Variants in PSME4 observed in about 807,000 individuals in gnomAD.
PSME4 encodes proteasome activator subunit 4.
A neutral mutation model predicts 253.9 loss-of-function variants in PSME4; 89 were observed. That is an observed-to-expected ratio of 0.35 (90% confidence interval 0.30 to 0.42). The LOEUF is 0.42. Ranked by LOEUF, PSME4 falls within the 10% of genes least tolerant of loss-of-function variation. The probability of loss-of-function intolerance (pLI) is 1.00; values close to 1 mark genes in which losing one functional copy is unlikely to be tolerated. For missense variants in PSME4, 2,014 were observed against 2,195.2 expected (o/e 0.92, Z 1.65); for synonymous variants, 851 against 759.2 (o/e 1.12, Z -1.99).
rs778104835 is a variant in PSME4, at chr2:53,948,515, C to T, written c.406G>A (p.Ala136Thr). Residue 136 changes from alanine (A) to threonine (T), a missense_variant, in exon 3 of 47, where the codon GCT becomes ACT. Coordinates refer to ENST00000404125, the MANE Select transcript of PSME4 (RefSeq NM_014614.3). The stretch of plus-strand genomic sequence containing the variant: ...GGTCTCCAGGGTAACTCCAAATCAG[C>T]TCTTGAAAGAAGTTCCTTTTTCCTA... The part of the protein sequence containing the change: ...LLKKKELLSR[A>T]DLELPWRPLY... 6.2e-7 allele frequency: 1 copy of T among 1,612,190 alleles called. No individual in the cohort carries two copies. The highest frequency in any genetic ancestry group is 8.5e-7 in the Non-Finnish European group (1 of 1,178,462).
At chr2:53,919,353 A>G (rs1483291758) in intron 19 of PSME4, 107 bp from the exon 20 acceptor site, 5 of 1,359,036 alleles carry the variant, frequency 3.7e-6, no homozygotes, top group South Asian at 3.5e-5. Flanking sequence ...TGATTAAGGT[A>G]AAGAAATAGC....
intron 27 of PSME4, 117 bp downstream of exon 27, chr2:53,903,908 A>G (rs1222459916): frequency 1.2e-6 from 1 of 857,836 alleles, no homozygotes; most frequent in Non-Finnish European, 1.8e-6. Flanking sequence ...AAATACAGCA[A>G]AATCTTAAAT....
intron 14 of PSME4, 122 bp from the exon 15 acceptor site, chr2:53,923,541 A>T (rs1668420120): frequency 1.6e-6 from 2 of 1,250,644 alleles, no homozygotes; most frequent in African/African-American, 3.1e-5. Flanking sequence ...GGCAATTTTT[A>T]ACCATCTGAT....
intron 13 of PSME4, 44 bp downstream of exon 13, chr2:53,925,915 T>C (rs1668536897): frequency 1.9e-6 from 3 of 1,554,196 alleles, no homozygotes; most frequent in South Asian, 1.1e-5. Flanking sequence ...GAAGAGTCAT[T>C]TTCTAGAATT....
At position 53,908,357 on chromosome 2, in the gene PSME4, T is replaced by C; in HGVS notation, c.2747A>G (p.Lys916Arg). The change falls in exon 24 of 47, where the codon AAA (lysine) becomes AGA (arginine). Residue 916 changes from lysine (K) to arginine (R), a missense_variant. By Grantham distance (26) the Lys-to-Arg change is conservative. Around this residue, in one of 4 missense-constraint regions of PSME4, gnomAD observed 989 missense variants for 1,021.1 expected, o/e 0.97. Coordinates refer to ENST00000404125, the MANE Select transcript of PSME4 (RefSeq NM_014614.3). ...TGATTTCTTTACTAAGTTGAAGCTT[T>C]TCCATCGGGAGTCAAATTCATGCTT... is the stretch of plus-strand genomic sequence containing the variant. ...SHKHEFDSRW[K>R]SFNLVKKSME... 1 of 1,613,020 alleles carries C rather than the reference T, an allele frequency of 6.2e-7. No homozygotes were observed. Among genetic ancestry groups the C allele is most frequent in the Non-Finnish European group, 8.5e-7 (1 of 1,179,448 alleles).
intron 1 of PSME4, among the ~76,000 whole-genome samples, chr2:53,957,091 C>A (rs1247373711): frequency 1.3e-5 from 2 of 152,066 alleles, no homozygotes. Context: ...TGAAGGGGAA[C>A]AATTAAGCTT....
chr2:53,896,249 CT>C (rs1240064838), intron 32 of PSME4, among the ~76,000 whole-genome samples: 1 of 152,094 alleles, frequency 6.6e-6, no homozygotes, highest in Non-Finnish European at 1.5e-5. Context: ...CATCAACAGA[CT>C]TTACTCAAAT....
At chr2:53,904,773 G>C (rs1558668750) in intron 26 of PSME4, among the ~76,000 whole-genome samples, 1 of 152,016 alleles carries the variant, frequency 6.6e-6, no homozygotes, top group Admixed American at 6.5e-5. Context: ...TGGATCACCT[G>C]AGGTCAGGAG....
intron 44 of PSME4, among the ~76,000 whole-genome samples, chr2:53,868,535 TATATTATAAATATATTTATA>T (rs1392524278): frequency 8.2e-4 from 46 of 55,822 alleles, no homozygotes; most frequent in Non-Finnish European, 1.5e-3. Flanking sequence ...ATATATAATA[TATATTATAAATATATTTATA>T]ATATATATAA....
In PSME4 at chr2:53,906,710, A is replaced by C. The variant is rs1279094987; in HGVS notation, c.2848-17T>G. 2.4e-5 allele frequency: 39 copies of C among 1,593,832 alleles called. No homozygotes were observed. Among genetic ancestry groups the C allele is most frequent in the Non-Finnish European group, 3.3e-5 (39 of 1,172,232 alleles). ...TGTCCGTAGCTAAGAAAACAATCGC[A>C]AACATTTACTAAAATTTGATTATGA... On this transcript the variant is annotated splice_polypyrimidine_tract_variant and intron_variant, in intron 25 of 46. Coordinates refer to ENST00000404125, the MANE Select transcript of PSME4 (RefSeq NM_014614.3).
At chr2:53,966,167 C>G (rs1670727894) in intron 1 of PSME4, among the ~76,000 whole-genome samples, 1 of 152,072 alleles carries the variant, frequency 6.6e-6, no homozygotes, top group African/African-American at 2.4e-5. Flanking sequence ...CACCTGTAAT[C>G]CCAGCTACTT....
At chr2:53,891,051 T>A (rs941168422) in intron 36 of PSME4, among the ~76,000 whole-genome samples, 3 of 152,024 alleles carry the variant, frequency 2.0e-5, no homozygotes, top group African/African-American at 7.2e-5. Context: ...AACAAATCTC[T>A]CATATGACTG....
chr2:53,882,620 G>C (rs565547809), intron 41 of PSME4, among the ~76,000 whole-genome samples: 9 of 152,276 alleles, frequency 5.9e-5, no homozygotes, highest in Admixed American at 5.9e-4. Flanking sequence ...AGATGAATTT[G>C]ATCCAGGCAG....
intron 20 of PSME4, 103 bp from the exon 21 acceptor site, chr2:53,910,233 G>A: frequency 1.1e-6 from 1 of 920,250 alleles, no homozygotes; most frequent in Non-Finnish European, 1.8e-6. Context: ...CAAAGATAAT[G>A]TTCTTTTAAC....
Position 53,940,952 on chromosome 2 carries a change from C to CATATTTATATATATATATATAT in PSME4, c.501-953_501-952insATATATATATATATATAAATAT, listed in dbSNP as rs61078234. ...TAATACATATATAAATATATATATA[C>CATATTTATATATATATATATAT]ATATATATATATATATATATATATA... On this transcript the variant is annotated intron_variant, in intron 3 of 46. Coordinates refer to ENST00000404125, the MANE Select transcript of PSME4 (RefSeq NM_014614.3). 1.2e-4 allele frequency among the ~76,000 whole-genome samples: 3 copies of CATATTTATATATATATATATAT among 24,028 alleles called. 1 individual carries two copies. Among genetic ancestry groups the CATATTTATATATATATATATAT allele is most frequent in the African/African-American group, 1.6e-4 (1 of 6,178 alleles). 15.8% of individuals were successfully genotyped at this position (24,028 alleles called of 152,430 possible).
chr2:53,932,656 G>A lies in PSME4; in HGVS notation c.1050+12C>T, dbSNP rs201555969. On this transcript the variant is annotated intron_variant, in intron 9 of 46. Coordinates refer to ENST00000404125, the MANE Select transcript of PSME4 (RefSeq NM_014614.3). ...AATTCCAAGCCCTATAATGCAAAACGAAGTTACTCACCAGCCAGCGCCCAT... is the reference window on the plus strand; with the variant it reads ...AATTCCAAGCCCTATAATGCAAAACAAAGTTACTCACCAGCCAGCGCCCAT... 172 of 1,595,476 alleles carry A rather than the reference G, an allele frequency of 1.1e-4. 2 individuals carry two copies. The Middle Eastern group carries it at 1.5e-3, about 14-fold the overall frequency.
chr2:53,874,137 C>T (rs1481068639), intron 43 of PSME4, among the ~76,000 whole-genome samples: 1 of 152,060 alleles, frequency 6.6e-6, no homozygotes, highest in African/African-American at 2.4e-5. Flanking sequence ...AATTTTGGTA[C>T]TTTTTGTAGA....
At chr2:53,965,040 T>G (rs550589670) in intron 1 of PSME4, among the ~76,000 whole-genome samples, 5 of 152,030 alleles carry the variant, frequency 3.3e-5, no homozygotes, top group Non-Finnish European at 7.4e-5. Flanking sequence ...ATTTGCTTCA[T>G]CTTACACCAA....
intron 41 of PSME4, among the ~76,000 whole-genome samples, chr2:53,884,442 C>T (rs1462498399): frequency 6.6e-6 from 1 of 152,186 alleles, no homozygotes; most frequent in East Asian, 1.9e-4. Flanking sequence ...ATCTCTTGAC[C>T]TTGTGATCCA....
Sources: allele counts gnomAD v4.1 joint callset (sites outside exome capture counted in the v4.1 genomes callset), GRCh38; gene constraint gnomAD v4.1.1; regional missense constraint gnomAD v4.1.1; transcripts MANE v1.5; gene names NCBI Gene and HGNC (gene_info 2026-07-23, HGNC 2026-07-21).